Variants in HSPA9 observed in about 807,000 individuals in gnomAD.
The protein encoded by HSPA9 is heat shock protein family A (Hsp70) member 9.
A neutral mutation model predicts 81.5 loss-of-function variants in HSPA9; 28 were observed. That is an observed-to-expected ratio of 0.34 (90% CI 0.25 to 0.47). The LOEUF (loss-of-function observed/expected upper bound fraction) is 0.47. HSPA9 is among the 20% of genes least tolerant of loss of function. The pLI is 1.00. For missense variants in HSPA9, 678 were observed against 838.0 expected, an observed-to-expected ratio of 0.81 and a Z score of 2.36; for synonymous variants, 293 against 290.4, an observed-to-expected ratio of 1.01 and a Z score of -0.09.
chr5:138,558,780 G>A, intron 11 of HSPA9, 123 bp from the exon 12 acceptor site: 1 of 714,058 alleles, frequency 1.4e-6, no homozygotes, highest in South Asian at 1.5e-5. Flanking sequence ...GGTATGTTCA[G>A]AACAAAGGCT....
At chr5:138,563,022 T>C (rs546795639) in intron 9 of HSPA9, among the ~76,000 whole-genome samples, 1 of 152,360 alleles carries the variant, frequency 6.6e-6, no homozygotes, top group Admixed American at 6.5e-5. Context: ...CTTAACCACC[T>C]TTCTTCAGGA....
At position 138,559,921 on chromosome 5, in the gene HSPA9, T is replaced by G; in HGVS notation, c.1353A>C (p.Gly451=). 6.2e-7 allele frequency: 1 copy of G among 1,614,094 alleles called. No individual in the cohort carries two copies. Among genetic ancestry groups the G allele is most frequent in the Non-Finnish European group, 8.5e-7 (1 of 1,179,970 alleles). Reference sequence around the variant, plus strand: ...TATTAATAAGTTTGGTAAAGACACCTCCTAGAGTTTCAATACCCAGAGACA... The same window carrying G: ...TATTAATAAGTTTGGTAAAGACACCGCCTAGAGTTTCAATACCCAGAGACA... The part of the protein sequence containing the change: ...TPLSLGIETL[G]GVFTKLINRN... Residue 451 remains glycine, a synonymous_variant, in exon 11 of 17, where the codon GGA becomes GGC. Coordinates refer to ENST00000297185, the MANE Select transcript of HSPA9 (RefSeq NM_004134.7).
intron 14 of HSPA9, chr5:138,557,179 ACT>A: frequency 4.9e-6 from 3 of 615,064 alleles, no homozygotes; most frequent in Non-Finnish European, 8.8e-6. Context: ...ACATGTCCAA[ACT>A]CTCCCACTTT....
chr5:138,571,830 G>GTGTGTGTC (rs1165787057), intron 3 of HSPA9, among the ~76,000 whole-genome samples: 1 of 150,356 alleles, frequency 6.7e-6, no homozygotes, highest in Non-Finnish European at 1.5e-5. Flanking sequence ...GTGTGTGTGT[G>GTGTGTGTC]TGTGTACTTT....
chr5:138,571,960 CTT>C (rs10694029), intron 3 of HSPA9, among the ~76,000 whole-genome samples: 30 of 100,454 alleles, frequency 3.0e-4, no homozygotes, highest in African/African-American at 1.1e-3. Flanking sequence ...CTGCGCCTGG[CTT>C]TTTTTTTTTT....
In HSPA9 at chr5:138,571,126, C is replaced by T. The variant is rs1340213612; in HGVS notation, c.244G>A (p.Glu82Lys). Residue 82 changes from glutamate to lysine, a missense_variant, in exon 4 of 17, where the codon GAA (glutamate) becomes AAA (lysine). Physicochemically the swap from Glu to Lys is moderately conservative, Grantham distance 56 (BLOSUM62 1). Transcript: ENST00000297185. ...ACTGAAGGGGTGGTTCTGGCACCTT[C>T]GGCATTCTCCAGCACCTAAACTCCC... ...GKQAKVLENA[E>K]GARTTPSVVA... 8.1e-6 allele frequency: 13 copies of T among 1,613,682 alleles called. No homozygotes were observed. The highest frequency in any genetic ancestry group is 1.3e-5 in the African/African-American group (1 of 74,902).
At chr5:138,561,110 CA>C in intron 10 of HSPA9, 1 of 486,538 alleles carries the variant, frequency 2.1e-6, no homozygotes, top group East Asian at 5.6e-5. Context: ...CATCATTGCA[CA>C]AATCTTTGTC....
In HSPA9 at chr5:138,573,429, G is replaced by A. The variant is rs1291100777; in HGVS notation, c.228+334C>T. ...TAATCCCAGCACTTTGGAGGCCAAC[G>A]TGGGCGGATCACTTGAGCTCAAGAC... is the stretch of plus-strand genomic sequence containing the variant. On this transcript the variant is annotated intron_variant, in intron 3 of 16. Transcript: ENST00000297185. Among the ~76,000 whole-genome samples, 5 of 152,110 alleles carry A rather than the reference G, an allele frequency of 3.3e-5. No homozygotes were observed. In the East Asian group the frequency reaches 5.8e-4, roughly 18 times the overall value.
At position 138,561,646 on chromosome 5, in the gene HSPA9, A is replaced by G; in HGVS notation, c.1116T>C (p.Asp372=). The G allele has an allele frequency of 3.7e-6, 6 of 1,614,160 alleles. No individual in the cohort carries two copies. The highest frequency in any genetic ancestry group is 5.1e-6 in the Non-Finnish European group (6 of 1,180,038). The change falls in exon 10 of 17, where the codon GAT becomes GAC. Residue 372 remains aspartate, a synonymous_variant. Transcript: ENST00000297185. The part of the protein sequence containing the change: ...TIAPCQKAMQ[D]AEVSKSDIGE... ...CTATGTCACTCTTGCTGACTTCTGC[A>G]TCTTGCATAGCTTTTTGGCATGGAG...
intron 4 of HSPA9, among the ~76,000 whole-genome samples, chr5:138,570,010 T>A (rs917187012): frequency 6.6e-6 from 1 of 152,000 alleles, no homozygotes; most frequent in African/African-American, 2.4e-5. Context: ...CACTAGTAGC[T>A]GGGACTATAG....
At chr5:138,567,912 C>T (rs1431666821) in intron 5 of HSPA9, among the ~76,000 whole-genome samples, 190 bp from the exon 6 acceptor site, 2 of 152,132 alleles carry the variant, frequency 1.3e-5, no homozygotes, top group Admixed American at 6.5e-5. Flanking sequence ...AGGCCGGGCA[C>T]GGTGGCTCAC....
chr5:138,574,669 G>T (rs1464857297), intron 1 of HSPA9: 1 of 163,576 alleles, frequency 6.1e-6, no homozygotes, highest in Non-Finnish European at 1.3e-5. Context: ...GTTCTCTAAA[G>T]CATTTGTCTT....
intron 13 of HSPA9, 90 bp downstream of exon 13, chr5:138,557,779 A>T: frequency 1.2e-6 from 1 of 839,020 alleles, no homozygotes; most frequent in Non-Finnish European, 2.1e-6. Context: ...CTGATAACTG[A>T]GGGGCAAAGA....
intron 2 of HSPA9, 91 bp downstream of exon 2, chr5:138,573,977 T>C: frequency 2.4e-6 from 3 of 1,253,160 alleles, no homozygotes; most frequent in Non-Finnish European, 2.3e-6. Flanking sequence ...TACAGATAAA[T>C]AATTACAGAG....
chr5:138,574,058 T>C lies in HSPA9; in HGVS notation c.140+10A>G, dbSNP rs1751021524. The C allele has an allele frequency of 4.4e-6, 7 of 1,604,728 alleles. No homozygotes were observed. In the African/African-American group the frequency reaches 5.4e-5, roughly 12 times the overall value. On this transcript the variant is annotated intron_variant, in intron 2 of 16. Transcript: ENST00000297185. ...GTATTCCCTCTCAAAGGAAATGATATTATACTTACGCATAATCCCGCCTTG... is the reference window on the plus strand; with the variant it reads ...GTATTCCCTCTCAAAGGAAATGATACTATACTTACGCATAATCCCGCCTTG...
At chr5:138,573,942 G>A (rs1271933613) in intron 2 of HSPA9, 92 bp from the exon 3 acceptor site, 1 of 1,236,232 alleles carries the variant, frequency 8.1e-7, no homozygotes, top group Admixed American at 1.7e-5. Context: ...ATTAACAGTG[G>A]TATACTACAT....
Position 138,559,986 on chromosome 5 carries a change from C to T in HSPA9, c.1288G>A (p.Gly430Ser). ...AGGAGCAGCACATCCGTGACATCGCCGGCCAACACACCTCCCTGAATGGCA... is the reference window on the plus strand; with the variant it reads ...AGGAGCAGCACATCCGTGACATCGCTGGCCAACACACCTCCCTGAATGGCA... The part of the protein sequence containing the change: ...GAAIQGGVLA[G>S]DVTDVLLLDV... Residue 430 changes from glycine (G) to serine (S), a missense_variant, in exon 11 of 17, where the codon GGC becomes AGC. By Grantham distance (56) the Gly-to-Ser change is moderately conservative. This residue lies in a region of HSPA9 where 484 missense variants were observed against 647.5 expected (regional missense o/e 0.75). Transcript: ENST00000297185. The T allele has an allele frequency of 2.5e-6, 4 of 1,614,072 alleles. No homozygotes were observed. The highest frequency in any genetic ancestry group is 2.5e-6 in the Non-Finnish European group (3 of 1,179,992).
chr5:138,574,933 C>A, intron 1 of HSPA9: 1 of 512,108 alleles, frequency 2.0e-6, no homozygotes, highest in Non-Finnish European at 3.5e-6. Flanking sequence ...TAGACTGCAT[C>A]CCTCACCCCC....
chr5:138,574,255 ATAAG>A (rs1282719116), intron 1 of HSPA9, 129 bp from the exon 2 acceptor site: 26 of 708,440 alleles, frequency 3.7e-5, no homozygotes, highest in Non-Finnish European at 6.1e-5. Context: ...AGTTTCCCAA[ATAAG>A]TAAGACGAAA....
Sources: gnomAD v4.1 joint callset for allele counts (sites outside exome capture counted in the v4.1 genomes callset) on GRCh38, gnomAD v4.1.1 for gene constraint, gnomAD v4.1.1 regional missense constraint, MANE v1.5 for transcripts, NCBI Gene and HGNC (gene_info 2026-07-23, HGNC 2026-07-21) for gene names.